Variants in MYH16 observed in about 807,000 individuals in gnomAD.
MYH16 encodes putative uncharacterized protein MYH16.
chr7:99,303,110 C>T (rs1203517474), exon 39 of MYH16: 1 of 152,716 alleles, frequency 6.5e-6, no homozygotes, highest in African/African-American at 2.4e-5. Flanking sequence ...GTCAGATGTC[C>T]AGCGCATCTC....
At chr7:99,274,605 C>A (rs991529530) in intron 20 of MYH16, among the ~76,000 whole-genome samples, 6 of 151,240 alleles carry the variant, frequency 4.0e-5, no homozygotes, top group African/African-American at 1.2e-4. Context: ...AAAGGCCAGG[C>A]GTTGCCGGTG....
At chr7:99,279,131 C>T (rs1792164276) in intron 21 of MYH16, among the ~76,000 whole-genome samples, 1 of 152,078 alleles carries the variant, frequency 6.6e-6, no homozygotes, top group African/African-American at 2.4e-5. Flanking sequence ...GTCGAGGCTG[C>T]AGTGAGCCAT....
intron 20 of MYH16, among the ~76,000 whole-genome samples, chr7:99,273,646 C>G (rs183088776): frequency 6.6e-6 from 1 of 152,244 alleles, no homozygotes; most frequent in Non-Finnish European, 1.5e-5. Flanking sequence ...GTAATCCCAG[C>G]CCTTTGGGAG....
At chr7:99,243,446 G>C (rs535997201) in intron 2 of MYH16, 7 of 152,924 alleles carry the variant, frequency 4.6e-5, no homozygotes, top group Middle Eastern at 6.8e-3. Context: ...TGGGGTGAGT[G>C]GGGGGAGGAA....
chr7:99,268,300 G>A lies in MYH16; in HGVS notation n.2266+1326G>A, dbSNP rs192717327. Among the ~76,000 whole-genome samples the A allele has an allele frequency of 1.1e-4, 17 of 152,262 alleles. 1 individual carries two copies. The highest frequency in any genetic ancestry group is 7.2e-4 in the Admixed American group (11 of 15,294). On this transcript the variant is annotated intron_variant and non_coding_transcript_variant, in intron 18 of 41. Transcript: ENST00000439784. ...GCTGGAAAGAATCTTAGAAACCAAC[G>A]GGCCCCTCCTTTCCCTACCCACCCT...
downstream of MYH16, among the ~76,000 whole-genome samples, chr7:99,309,444 T>TA (rs1244344093): frequency 1.3e-5 from 2 of 152,200 alleles, no homozygotes; most frequent in Non-Finnish European, 2.9e-5. Flanking sequence ...AGGGAGGAGA[T>TA]AAAATATGGG....
At chr7:99,247,952 T>C (rs1342842585) in intron 3 of MYH16, among the ~76,000 whole-genome samples, 1 of 152,162 alleles carries the variant, frequency 6.6e-6, no homozygotes, top group African/African-American at 2.4e-5. Context: ...GGGCACTTGC[T>C]AGGCACCAGC....
exon 25 of MYH16, chr7:99,283,949 T>G (rs1485901044): frequency 2.2e-6 from 1 of 456,510 alleles, no homozygotes; most frequent in Non-Finnish European, 4.4e-6. Context: ...GAGAGTGACC[T>G]GAAGATGACC....
chr7:99,296,764 T>C, exon 34 of MYH16: 1 of 456,360 alleles, frequency 2.2e-6, no homozygotes, highest in Non-Finnish European at 4.4e-6. Context: ...GCTGGCTGAG[T>C]GGCAGCAGAA....
At chr7:99,278,100 ACCACCATG>A (rs1302787645) in intron 21 of MYH16, among the ~76,000 whole-genome samples, 1 of 151,898 alleles carries the variant, frequency 6.6e-6, no homozygotes, top group Non-Finnish European at 1.5e-5. Flanking sequence ...CTGGGACTAC[ACCACCATG>A]CCTGGCTAAT....
chr7:99,250,491 A>G (rs535560527), intron 5 of MYH16, among the ~76,000 whole-genome samples: 1 of 152,270 alleles, frequency 6.6e-6, no homozygotes, highest in East Asian at 1.9e-4. Context: ...CTATAATCCC[A>G]GTACTCTGGG....
chr7:99,270,103 G>GATCTCATA (rs1792030604), intron 18 of MYH16, among the ~76,000 whole-genome samples: 1 of 151,442 alleles, frequency 6.6e-6, no homozygotes, highest in Non-Finnish European at 1.5e-5. Flanking sequence ...TTGAACTCCT[G>GATCTCATA]ATCTGCCCGT....
intron 36 of MYH16, 113 bp from the exon 18 acceptor site, chr7:99,299,353 C>T (rs1368949186): frequency 6.6e-6 from 1 of 152,116 alleles, no homozygotes; most frequent in African/African-American, 2.4e-5. Flanking sequence ...TGTTTAATTT[C>T]ATGACATGGT....
rs186665568 is a variant in MYH16 at position 99,240,585 on chromosome 7, T to A, written n.210+1547T>A. Among the ~76,000 whole-genome samples, 1,193 of 152,284 alleles carry A rather than the reference T, an allele frequency of 7.8e-3. 10 individuals are homozygous for A. Among genetic ancestry groups the A allele is most frequent in the Non-Finnish European group, 0.013 (853 of 68,026 alleles). On this transcript the variant is annotated intron_variant and non_coding_transcript_variant, in intron 1 of 41. Transcript: ENST00000439784. ...GAAGTCAGAGGCCAGACGCGGCAGC[T>A]CAAGCCTGTAATCCCAGCACTTTGG... is the stretch of plus-strand genomic sequence containing the variant.
At chr7:99,297,424 C>T (rs1259696087) in intron 34 of MYH16, among the ~76,000 whole-genome samples, 2 of 151,938 alleles carry the variant, frequency 1.3e-5, no homozygotes, top group African/African-American at 4.8e-5. Flanking sequence ...CAGAGCAACA[C>T]TATGTCCCAA....
downstream of MYH16, among the ~76,000 whole-genome samples, chr7:99,308,167 C>A (rs186847143): frequency 6.6e-6 from 1 of 151,700 alleles, no homozygotes; most frequent in Admixed American, 6.6e-5. Flanking sequence ...TGATGGCACA[C>A]GCCTGTAATC....
rs569942704 is a variant in MYH16 at position 99,292,305 on chromosome 7, C to T, written n.3953-7C>T. The T allele has an allele frequency of 2.2e-6, 1 of 455,164 alleles. No individual in the cohort carries two copies. Among genetic ancestry groups the T allele is most frequent in the South Asian group, 1.6e-5 (1 of 64,514 alleles). 28.2% of individuals were successfully genotyped at this position (455,164 alleles called of 1,614,324 possible). On this transcript the variant is annotated splice_polypyrimidine_tract_variant and splice_region_variant and intron_variant and non_coding_transcript_variant, in intron 31 of 41. Coordinates refer to ENST00000439784, the Ensembl canonical transcript of MYH16. ...CCCACGGGCGCCTGACAGGCTGGTC[C>T]CCACAGTCTCGCAGCACCGCCGTGG...
At chr7:99,310,798 G>A (rs1270619879), downstream of MYH16, 2 of 152,210 alleles carry the variant, frequency 1.3e-5, no homozygotes, top group African/African-American at 4.8e-5. Flanking sequence ...ATGGAAAACT[G>A]GGTCTGTCCT....
chr7:99,297,709 G>A (rs1182067429), exon 35 of MYH16: 5 of 456,534 alleles, frequency 1.1e-5, no homozygotes, highest in South Asian at 7.7e-5. Context: ...GAAGGAGTGT[G>A]CATGAACTGC....
Sources: gnomAD v4.1 joint callset for allele counts (sites outside exome capture counted in the v4.1 genomes callset) on GRCh38, gnomAD v4.1.1 for gene constraint, MANE v1.5 for transcripts, NCBI Gene and HGNC (gene_info 2026-07-23, HGNC 2026-07-21) for gene names.